COL18A1: variants seen among roughly 807,000 people sequenced by gnomAD.
The protein encoded by COL18A1 is collagen alpha-1(XVIII) chain.
COL18A1 carries 133 observed loss-of-function variants against 168.0 expected under a neutral mutation model. That is an observed-to-expected ratio of 0.79 (90% CI 0.69 to 0.91). The LOEUF (loss-of-function observed/expected upper bound fraction) is 0.91, where lower values mean the gene tolerates loss of function less well. COL18A1 is among the 40% of genes least tolerant of loss of function. COL18A1 has a pLI of 0.00. For missense variants in COL18A1, 2,126 were observed against 1,925.4 expected, an observed-to-expected ratio of 1.10 and a Z score of -1.95; for synonymous variants, 949 against 809.0, an observed-to-expected ratio of 1.17 and a Z score of -2.94.
intron 29 of COL18A1, 141 bp downstream of exon 29, chr21:45,495,573 G>A (rs993122004): frequency 4.2e-6 from 3 of 717,118 alleles, no homozygotes; most frequent in Non-Finnish European, 7.5e-6. Flanking sequence ...CACTGGTCAT[G>A]CCATACCCAT....
At chr21:45,448,518 C>A (rs1033528893) in intron 2 of COL18A1, among the ~76,000 whole-genome samples, 2 of 152,242 alleles carry the variant, frequency 1.3e-5, no homozygotes, top group East Asian at 1.9e-4. Context: ...TCCACACATC[C>A]GTGTACACGC....
At chr21:45,478,415 T>G in intron 9 of COL18A1, 62 bp downstream of exon 9, 1 of 1,611,488 alleles carries the variant, frequency 6.2e-7, no homozygotes, top group Non-Finnish European at 8.5e-7. Context: ...ACCCCAGGGC[T>G]TTGTTGCCAG....
intron 33 of COL18A1, 31 bp from the exon 34 acceptor site, chr21:45,504,385 G>C: frequency 1.2e-6 from 2 of 1,604,762 alleles, no homozygotes; most frequent in Non-Finnish European, 1.7e-6. Flanking sequence ...GGGGTTCAGG[G>C]CTCCCGTGTA....
chr21:45,419,237 G>A (rs552551278), intron 2 of COL18A1, among the ~76,000 whole-genome samples: 10 of 151,640 alleles, frequency 6.6e-5, no homozygotes, highest in Non-Finnish European at 1.2e-4. Context: ...GTGTAGTGAC[G>A]TGATGCCGTG....
At chr21:45,422,660 C>G (rs1232629446) in intron 2 of COL18A1, 1 of 340,066 alleles carries the variant, frequency 2.9e-6, no homozygotes, top group African/African-American at 2.2e-5. Context: ...CCGCCCAGCA[C>G]CCTGCCAAGG....
Position 45,455,543 on chromosome 21 carries a change from C to G in COL18A1, c.107-12699C>G, listed in dbSNP as rs1366656695. On this transcript the variant is annotated intron_variant, in intron 2 of 41. Transcript: ENST00000651438. Reference sequence around the variant, plus strand: ...CCGCACTGCCCCGATGGCTCCCTACCCCTGTGGCTGCCACATCCTGCTGCT... The same window carrying G: ...CCGCACTGCCCCGATGGCTCCCTACGCCTGTGGCTGCCACATCCTGCTGCT... 4.3e-6 allele frequency: 7 copies of G among 1,613,294 alleles called. No individual in the cohort carries two copies. Among genetic ancestry groups the G allele is most frequent in the Non-Finnish European group, 5.9e-6 (7 of 1,179,900 alleles).
At chr21:45,475,826 C>T (rs2035627554) in intron 5 of COL18A1, among the ~76,000 whole-genome samples, 1 of 152,264 alleles carries the variant, frequency 6.6e-6, no homozygotes, top group Non-Finnish European at 1.5e-5. Flanking sequence ...CCTTGGCCTT[C>T]CCTTCGCCCC....
At chr21:45,465,202 G>T (rs2035159894) in intron 2 of COL18A1, among the ~76,000 whole-genome samples, 1 of 152,206 alleles carries the variant, frequency 6.6e-6, no homozygotes, top group South Asian at 2.1e-4. Flanking sequence ...CGACTGGCGG[G>T]TTCATCGCAC....
chr21:45,413,238 GCTT>G (rs2033350169), intron 2 of COL18A1, among the ~76,000 whole-genome samples: 1 of 152,240 alleles, frequency 6.6e-6, no homozygotes. Flanking sequence ...CTTTTGTGCT[GCTT>G]CTTACTGAGC....
chr21:45,490,927 GGTTTGGCCT>G lies in COL18A1; in HGVS notation c.2067+57_2067+65del, dbSNP rs1568922506. On this transcript the variant is annotated intron_variant, in intron 21 of 41. Transcript: ENST00000651438. Reference sequence around the variant, plus strand: ...TGGGGGGCGCTGGGACATCCCAGAAGGTTTGGCCTCAGCTGCCCCAGGTCCGTGCCCCTG... The same window carrying G: ...TGGGGGGCGCTGGGACATCCCAGAAGCAGCTGCCCCAGGTCCGTGCCCCTG... 1.6e-5 allele frequency: 24 copies of G among 1,514,948 alleles called. No homozygotes were observed. In the African/African-American group the frequency reaches 2.9e-4, roughly 18 times the overall value. The allele number at this position is 1,514,948 out of a possible 1,614,324, so 93.8% of individuals were successfully genotyped here. A position where few individuals can be genotyped will look rare whatever the true frequency, so the allele number is the denominator to read the frequency against.
rs146206934 is a variant in COL18A1, at chr21:45,512,746, C to T, written c.*348C>T. 1.6e-5 allele frequency: 6 copies of T among 383,558 alleles called. No individual in the cohort carries two copies. Among genetic ancestry groups the T allele is most frequent in the East Asian group, 6.3e-5 (1 of 15,778 alleles). 23.8% of individuals were successfully genotyped at this position (383,558 alleles called of 1,614,324 possible). On this transcript the variant is annotated 3_prime_UTR_variant, in exon 42 of 42. Coordinates refer to ENST00000651438, the MANE Select transcript of COL18A1 (RefSeq NM_001379500.1). The stretch of plus-strand genomic sequence containing the variant: ...ATTTCCTGCTTTGGGAAGCCGTGCT[C>T]GCCCCAGCAGGTGCTGACTTCATCT...
In COL18A1 at chr21:45,405,320, C is replaced by CGG. The variant is rs1569270287; in HGVS notation, c.12-57_12-56dup. 3.2e-4 allele frequency: 125 copies of CGG among 385,538 alleles called. No homozygotes were observed. The South Asian group carries it at 7.7e-3, about 24-fold the overall frequency. The allele number at this position is 385,538 out of a possible 1,614,324, so 23.9% of individuals were successfully genotyped here. ...GGTCGCGGGGGTCGCGGGGCTCGGC[C>CGG]GGGTCCTGCGGGGGTCGCGGGGGTC... On this transcript the variant is annotated intron_variant, in intron 1 of 41. Coordinates refer to ENST00000651438, the MANE Select transcript of COL18A1 (RefSeq NM_001379500.1).
rs565575693 is a variant in COL18A1 at position 45,480,781 on chromosome 21, A to G, written c.1534A>G (p.Ser512Gly). The change falls in exon 13 of 42, where the codon AGC (serine) becomes GGC (glycine). Residue 512 changes from serine (S) to glycine (G), a missense_variant. By Grantham distance (56) the Ser-to-Gly change is moderately conservative. Coordinates refer to ENST00000651438, the MANE Select transcript of COL18A1 (RefSeq NM_001379500.1). ...CGAGCCAGGCCGCTTTGGGGTGAAC[A>G]GCTCCGACGTCCCAGGACCCGCCGG... ...PGEPGRFGVN[S>G]SDVPGPAGLP... 6.2e-6 allele frequency: 10 copies of G among 1,611,434 alleles called. No homozygotes were observed. Among genetic ancestry groups the G allele is most frequent in the Non-Finnish European group, 8.5e-6 (10 of 1,179,808 alleles).
At chr21:45,422,513 G>T in intron 2 of COL18A1, 1 of 524,670 alleles carries the variant, frequency 1.9e-6, no homozygotes, top group South Asian at 1.4e-5. Flanking sequence ...TGGCTGCCTG[G>T]CCTGACGCAC....
rs559069705 is a variant in COL18A1, at chr21:45,509,826, C to T, written c.3495+225C>T. Among the ~76,000 whole-genome samples the T allele has an allele frequency of 7.4e-4, 112 of 152,326 alleles. 1 individual carries two copies. The highest frequency in any genetic ancestry group is 2.6e-3 in the African/African-American group (107 of 41,582). On this transcript the variant is annotated intron_variant, in intron 39 of 41. Coordinates refer to ENST00000651438, the MANE Select transcript of COL18A1 (RefSeq NM_001379500.1). ...CAGCCGCTGTCACATCCTTGAGGAA[C>T]CGGCGTACCTCCGCCTACAGCGGCA...
intron 32 of COL18A1, among the ~76,000 whole-genome samples, chr21:45,503,445 A>G (rs1602598388): frequency 6.6e-6 from 1 of 152,100 alleles, no homozygotes; most frequent in South Asian, 2.1e-4. Flanking sequence ...ACCATGGAAT[A>G]CTACGCAGCC....
chr21:45,458,379 G>A (rs2034920808), intron 2 of COL18A1, among the ~76,000 whole-genome samples: 1 of 151,604 alleles, frequency 6.6e-6, no homozygotes, highest in Non-Finnish European at 1.5e-5. Flanking sequence ...CACGGCTGTT[G>A]GCATCTCATA....
chr21:45,415,467 G>A (rs1472329419), intron 2 of COL18A1, among the ~76,000 whole-genome samples: 1 of 152,206 alleles, frequency 6.6e-6, no homozygotes, highest in African/African-American at 2.4e-5. Context: ...CTCAGGACCG[G>A]CTGCCACGGG....
At chr21:45,509,261 C>G in intron 38 of COL18A1, 95 bp from the exon 39 acceptor site, 1 of 1,501,458 alleles carries the variant, frequency 6.7e-7, no homozygotes, top group Non-Finnish European at 8.9e-7. Flanking sequence ...AGTTCAGAGC[C>G]CAGCCCCTCT....
Sources: gnomAD v4.1 joint callset for allele counts (sites outside exome capture counted in the v4.1 genomes callset) on GRCh38, gnomAD v4.1.1 for gene constraint, MANE v1.5 for transcripts, NCBI Gene and HGNC (gene_info 2026-07-23, HGNC 2026-07-21) for gene names.